The following KIF21B variants were observed in gnomAD, a reference collection of about 807,000 sequenced individuals.
KIF21B encodes the protein kinesin family member 21B.
In KIF21B, 85 loss-of-function variants were observed where a neutral mutation model predicts 192.9. The ratio of observed to expected loss-of-function variants is 0.44; its 90% CI spans 0.37 to 0.53. KIF21B has a LOEUF of 0.53. Ranked by LOEUF, KIF21B falls within the 20% of genes least tolerant of loss-of-function variation. The pLI is 0.00. For missense variants in KIF21B, 1,716 were observed against 2,194.8 expected, an observed-to-expected ratio of 0.78 and a Z score of 4.36; for synonymous variants, 832 against 884.6, an observed-to-expected ratio of 0.94 and a Z score of 1.05.
At chr1:201,019,444 G>C (rs1246655142) in intron 1 of KIF21B, among the ~76,000 whole-genome samples, 1 of 152,096 alleles carries the variant, frequency 6.6e-6, no homozygotes, top group African/African-American at 2.4e-5. Flanking sequence ...CCATGACGAA[G>C]CCAGTGGATG....
intron 1 of KIF21B, among the ~76,000 whole-genome samples, chr1:201,014,075 G>A (rs1052506272): frequency 3.3e-5 from 5 of 152,244 alleles, no homozygotes; most frequent in Non-Finnish European, 2.9e-5. Flanking sequence ...GCTGAGCGGC[G>A]GGTAGAGCGG....
In KIF21B at chr1:200,991,358, G is replaced by C. The variant is rs550854657; in HGVS notation, c.2455-209C>G. ...CCTTCTTTTTTTAACGCACAGCTCAGGCATTTGGGAACTGGCCTGCAGTCT... is the reference window on the plus strand; with the variant it reads ...CCTTCTTTTTTTAACGCACAGCTCACGCATTTGGGAACTGGCCTGCAGTCT... On this transcript the variant is annotated intron_variant, in intron 17 of 34. Coordinates refer to ENST00000461742, the MANE Select transcript of KIF21B (RefSeq NM_001252102.2). Among the ~76,000 whole-genome samples, 37 of 152,362 alleles carry C rather than the reference G, an allele frequency of 2.4e-4. No individual in the cohort carries two copies. In the South Asian group the frequency reaches 6.2e-3, roughly 26 times the overall value.
chr1:201,004,818 G>A lies in KIF21B; in HGVS notation c.848C>T (p.Thr283Ile). Residue 283 changes from threonine (T) to isoleucine (I), a missense_variant, in exon 6 of 35, where the codon ACA (threonine) becomes ATA (isoleucine). Around this residue, in one of 3 missense-constraint regions of KIF21B, gnomAD observed 1,087 missense variants for 1,316.6 expected, o/e 0.83. Coordinates refer to ENST00000461742, the MANE Select transcript of KIF21B (RefSeq NM_001252102.2). ...CTTGGCCCGCTCGCCAGTAGCCCCTGTCCGCTTCAGCCGCTCTGAGCCGGC... is the reference window on the plus strand; with the variant it reads ...CTTGGCCCGCTCGCCAGTAGCCCCTATCCGCTTCAGCCGCTCTGAGCCGGC... The part of the protein sequence containing the change: ...DLAGSERLKR[T>I]GATGERAKEG... 1 of 1,614,136 alleles carries A rather than the reference G, an allele frequency of 6.2e-7. No individual in the cohort carries two copies.
rs1489255883 is a variant in KIF21B, at chr1:200,972,555, G to C, written c.*966C>G. 6.6e-6 allele frequency: 1 copy of C among 152,666 alleles called. No individual in the cohort carries two copies. Among genetic ancestry groups the C allele is most frequent in the Admixed American group, 6.5e-5 (1 of 15,290 alleles). The allele number at this position is 152,666 out of a possible 1,614,324, so 9.5% of individuals were successfully genotyped here. ...GTGAGAAGACACATGTGGTGCCGCG[G>C]GCATGGCTGGTGTAAGGCTGCCCGG... On this transcript the variant is annotated 3_prime_UTR_variant, in exon 35 of 35. Transcript: ENST00000461742.
At chr1:201,011,930 G>A (rs2102469198) in intron 1 of KIF21B, among the ~76,000 whole-genome samples, 1 of 152,354 alleles carries the variant, frequency 6.6e-6, no homozygotes, top group Non-Finnish European at 1.5e-5. Flanking sequence ...GGGAGCAACA[G>A]CCCTGCTTGT....
Position 200,977,292 on chromosome 1 carries a change from G to T in KIF21B, c.4245C>A (p.Ile1415=). The T allele has an allele frequency of 6.2e-7, 1 of 1,614,234 alleles. No homozygotes were observed. The highest frequency in any genetic ancestry group is 8.5e-7 in the Non-Finnish European group (1 of 1,180,036). Residue 1415 remains isoleucine (I), a synonymous_variant, in exon 31 of 35, where the codon ATC becomes ATA. Coordinates refer to ENST00000461742, the MANE Select transcript of KIF21B (RefSeq NM_001252102.2). The stretch of plus-strand genomic sequence containing the variant: ...CCGAAGGGCTGAGGGCGATCTGGTT[G>T]ATCTGATGCTCGCCCTGAGCACTGG... ...AITSAQGEHQ[I]NQIALSPSGT... is the part of the protein sequence containing the mutation.
intron 3 of KIF21B, among the ~76,000 whole-genome samples, chr1:201,006,715 G>A (rs567469795): frequency 2.6e-5 from 4 of 151,842 alleles, no homozygotes; most frequent in African/African-American, 7.3e-5. Flanking sequence ...GGATAGGGAA[G>A]GGACAAAAAC....
chr1:200,996,522 C>G, intron 14 of KIF21B, 127 bp from the exon 15 acceptor site: 1 of 779,262 alleles, frequency 1.3e-6, no homozygotes, highest in East Asian at 2.6e-5. Context: ...GCAAGTCACA[C>G]CCCTCTCTGA....
intron 26 of KIF21B, among the ~76,000 whole-genome samples, chr1:200,986,420 C>T (rs1656307440): frequency 6.6e-6 from 1 of 150,378 alleles, no homozygotes; most frequent in Admixed American, 6.6e-5. Context: ...CGTAGTGGCA[C>T]GATCTCAGCT....
rs1382302120 is a variant in KIF21B, at chr1:200,971,294, G to GC, written c.*2226dup. On this transcript the variant is annotated 3_prime_UTR_variant, in exon 35 of 35. Transcript: ENST00000461742. ...GACACTTGCCAGGACAGCAGAGCTG[G>GC]CCCCGCCGTGAGGTAGCTGACCCAT... The GC allele has an allele frequency of 6.6e-6, 1 of 152,504 alleles. No homozygotes were observed. The highest frequency in any genetic ancestry group is 1.5e-5 in the Non-Finnish European group (1 of 68,020). The allele number at this position is 152,504 out of a possible 1,614,324, so 9.4% of individuals were successfully genotyped here.
chr1:201,006,911 GACACACACAGACAC>G (rs1331868168), intron 3 of KIF21B, among the ~76,000 whole-genome samples: 2 of 121,620 alleles, frequency 1.6e-5, no homozygotes, highest in African/African-American at 6.2e-5. Context: ...CACAGAGACA[GACACACACAGACAC>G]ACACACACAG....
Position 200,986,879 on chromosome 1 carries a change from C to T in KIF21B, c.3654G>A (p.Thr1218=), listed in dbSNP as rs1325495329. ...GCCCTCGGTCGTAGGACTTCCTTCT[C>T]GTCAGCGGGGACGTCTCTGTGGCTC... ...QSRATETSPL[T]RRKSYDRGQP... is the part of the protein sequence containing the mutation. The change falls in exon 26 of 35, where the codon ACG becomes ACA. Residue 1218 remains threonine, a synonymous_variant. Transcript: ENST00000461742. The T allele has an allele frequency of 5.0e-6, 8 of 1,613,924 alleles. No homozygotes were observed. The highest frequency in any genetic ancestry group is 2.2e-5 in the East Asian group (1 of 44,876).
At chr1:200,983,240 C>T (rs760977274) in intron 27 of KIF21B, 146 bp from the exon 28 acceptor site, 21 of 712,760 alleles carry the variant, frequency 2.9e-5, no homozygotes, top group South Asian at 6.4e-5. Context: ...ATGAGGGCCT[C>T]GGGAGAGCAG....
chr1:201,009,814 G>GA (rs1658128543), intron 1 of KIF21B, among the ~76,000 whole-genome samples: 1 of 152,202 alleles, frequency 6.6e-6, no homozygotes, highest in Non-Finnish European at 1.5e-5. Context: ...TTACAGATGA[G>GA]AAAACTGAAG....
At chr1:201,007,585 CAT>C (rs1424101112) in intron 3 of KIF21B, among the ~76,000 whole-genome samples, 3 of 150,378 alleles carry the variant, frequency 2.0e-5, no homozygotes, top group Non-Finnish European at 4.4e-5. Flanking sequence ...CAGACACACA[CAT>C]AGACACAGAG....
chr1:201,012,950 T>G (rs760478233), intron 1 of KIF21B, among the ~76,000 whole-genome samples: 56 of 152,190 alleles, frequency 3.7e-4, no homozygotes, highest in Non-Finnish European at 7.9e-4. Context: ...TGAAAACTCT[T>G]AATCCTAAAA....
intron 5 of KIF21B, 104 bp downstream of exon 5, chr1:201,005,204 G>T: frequency 7.0e-7 from 1 of 1,434,110 alleles, no homozygotes; most frequent in Non-Finnish European, 9.3e-7. Flanking sequence ...GCAGAGGCCA[G>T]CCTCAATCTG....
At chr1:200,988,172 C>T (rs1333839382) in intron 24 of KIF21B, 124 bp downstream of exon 24, 3 of 988,594 alleles carry the variant, frequency 3.0e-6, no homozygotes, top group Non-Finnish European at 4.8e-6. Context: ...CTTGGCACCT[C>T]CCTCCCAGCT....
At chr1:200,974,224 G>C (rs752485942) in intron 34 of KIF21B, 2 of 1,523,646 alleles carry the variant, frequency 1.3e-6, no homozygotes, top group East Asian at 4.5e-5. Flanking sequence ...AGGACAGAGA[G>C]GAGAGGTGGG....
Sources: gnomAD v4.1 joint callset for allele counts (sites outside exome capture counted in the v4.1 genomes callset) on GRCh38, gnomAD v4.1.1 for gene constraint, gnomAD v4.1.1 regional missense constraint, MANE v1.5 for transcripts, NCBI Gene and HGNC (gene_info 2026-07-23, HGNC 2026-07-21) for gene names.